The following STPG2 variants were observed in gnomAD, a reference collection of about 807,000 sequenced individuals.
STPG2 encodes the protein sperm tail PG-rich repeat containing 2.
A neutral mutation model predicts 54.2 loss-of-function variants in STPG2; 56 were observed. The observed-to-expected ratio is 1.03, with a 90% CI of 0.83 to 1.29. The LOEUF (loss-of-function observed/expected upper bound fraction) is 1.29. Among genes scored for constraint, STPG2 ranks in the 50% most tolerant of loss-of-function variants. The pLI, the probability that STPG2 is intolerant of heterozygous loss-of-function variation, is 0.00. For missense variants in STPG2, 596 were observed against 544.9 expected (o/e 1.09, Z -0.93); for synonymous variants, 200 against 181.8 (o/e 1.10, Z -0.81).
At chr4:97,914,453 T>C (rs1305107370) in intron 8 of STPG2, among the ~76,000 whole-genome samples, 1 of 152,152 alleles carries the variant, frequency 6.6e-6, no homozygotes, top group African/African-American at 2.4e-5. Flanking sequence ...ATAAAATGTA[T>C]CATTTTTATA....
chr4:98,100,347 A>C (rs181610417), intron 5 of STPG2, among the ~76,000 whole-genome samples: 36 of 152,298 alleles, frequency 2.4e-4, no homozygotes, highest in Admixed American at 1.8e-3. Context: ...ATATATCAAA[A>C]AATATTCCAT....
chr4:97,890,782 A>G (rs1045183934), intron 8 of STPG2, among the ~76,000 whole-genome samples: 2 of 152,016 alleles, frequency 1.3e-5, no homozygotes, highest in South Asian at 4.1e-4. Context: ...GTATCAAAAT[A>G]GCACATATGC....
chr4:97,521,307 G>T (rs1355158755), intron 4 of STPG2, among the ~76,000 whole-genome samples: 1 of 151,996 alleles, frequency 6.6e-6, no homozygotes, highest in Non-Finnish European at 1.5e-5. Flanking sequence ...AAGAATCAAG[G>T]AAACTTAAGA....
chr4:97,470,576 T>A (rs1288727200), intron 4 of STPG2, among the ~76,000 whole-genome samples: 1 of 152,160 alleles, frequency 6.6e-6, no homozygotes, highest in Non-Finnish European at 1.5e-5. Flanking sequence ...TTGTTGTTTT[T>A]ATACACATTC....
intron 4 of STPG2, among the ~76,000 whole-genome samples, chr4:97,509,568 T>C (rs568865066): frequency 3.9e-5 from 6 of 152,080 alleles, no homozygotes; most frequent in Non-Finnish European, 5.9e-5. Context: ...TGGTATACAA[T>C]ATACAAAAAT....
At chr4:97,996,142 T>C (rs906848639) in intron 5 of STPG2, among the ~76,000 whole-genome samples, 5 of 152,194 alleles carry the variant, frequency 3.3e-5, no homozygotes, top group Non-Finnish European at 7.3e-5. Flanking sequence ...AGAGTAATTC[T>C]AAGCAAAAAG....
chr4:97,568,480 A>ATG (rs941489202), intron 10 of STPG2, among the ~76,000 whole-genome samples: 11 of 152,074 alleles, frequency 7.2e-5, no homozygotes, highest in South Asian at 2.1e-4. Context: ...TGACATATAT[A>ATG]TGTGTGTGTG....
Position 97,858,644 on chromosome 4 carries a change from G to A in STPG2, c.1045-17712C>T, listed in dbSNP as rs1283405759. Among the ~76,000 whole-genome samples, 8 of 152,164 alleles carry A rather than the reference G, an allele frequency of 5.3e-5. No homozygotes were observed. In the South Asian group the frequency reaches 8.3e-4, roughly 16 times the overall value. ...TTAGCTTCCACTTATAAGTGAGAAC[G>A]TAGACATTTGGTTTCCATTCCTCAG... On this transcript the variant is annotated intron_variant, in intron 8 of 10. Coordinates refer to ENST00000295268, the MANE Select transcript of STPG2 (RefSeq NM_174952.3).
At chr4:97,584,935 C>G (rs1732953777) in intron 10 of STPG2, among the ~76,000 whole-genome samples, 1 of 151,578 alleles carries the variant, frequency 6.6e-6, no homozygotes, top group African/African-American at 2.4e-5. Context: ...TTCAGGCACT[C>G]AGAGAATAAT....
rs534387892 is a variant in STPG2, at chr4:97,528,316, G to A, written c.462+184383C>T. Among the ~76,000 whole-genome samples, 7 of 152,196 alleles carry A rather than the reference G, an allele frequency of 4.6e-5. No individual in the cohort carries two copies. The South Asian group carries it at 1.5e-3, about 32-fold the overall frequency. On this transcript the variant is annotated intron_variant, in intron 4 of 4. Coordinates refer to the STPG2 transcript ENST00000522676. ...TCAAAGATCAGTTGGTTGTAGATGT[G>A]TGGCACTATTTCTGAGGCCTCTGTT...
chr4:97,839,396 G>A (rs1026408774), intron 9 of STPG2, among the ~76,000 whole-genome samples: 6 of 151,344 alleles, frequency 4.0e-5, no homozygotes, highest in Non-Finnish European at 5.9e-5. Context: ...GCATTCCATC[G>A]GTAAGAATTT....
intron 4 of STPG2, among the ~76,000 whole-genome samples, chr4:97,520,031 C>T (rs1367441735): frequency 6.6e-6 from 1 of 151,932 alleles, no homozygotes; most frequent in Non-Finnish European, 1.5e-5. Context: ...CCTACTCTAT[C>T]AGGATGCTAG....
intron 8 of STPG2, among the ~76,000 whole-genome samples, chr4:97,914,001 T>C (rs1731776907): frequency 6.6e-6 from 1 of 152,144 alleles, no homozygotes; most frequent in Admixed American, 6.6e-5. Context: ...AAGCTGTACA[T>C]TCAGAATAAG....
chr4:97,891,526 GATAA>G (rs1730770185), intron 8 of STPG2, among the ~76,000 whole-genome samples: 1 of 151,936 alleles, frequency 6.6e-6, no homozygotes, highest in South Asian at 2.1e-4. Context: ...AAGAACAATT[GATAA>G]ATAAATAGTA....
At chr4:97,867,351 A>T (rs755940331) in intron 8 of STPG2, among the ~76,000 whole-genome samples, 5 of 151,858 alleles carry the variant, frequency 3.3e-5, no homozygotes, top group Non-Finnish European at 7.4e-5. Context: ...TCACATTTTC[A>T]TTTATATTGG....
chr4:97,454,020 C>A (rs1729446923), intron 4 of STPG2, among the ~76,000 whole-genome samples: 1 of 151,980 alleles, frequency 6.6e-6, no homozygotes, highest in African/African-American at 2.4e-5. Flanking sequence ...GCTCCTAGAT[C>A]TGAAGGAGAC....
chr4:98,001,586 A>C (rs1735417648), intron 5 of STPG2, among the ~76,000 whole-genome samples: 1 of 152,092 alleles, frequency 6.6e-6, no homozygotes, highest in South Asian at 2.1e-4. Flanking sequence ...ATAAATCTCA[A>C]ATGAAGCTAA....
At chr4:98,142,012 G>A (rs1388329998) in intron 1 of STPG2, among the ~76,000 whole-genome samples, 1 of 149,352 alleles carries the variant, frequency 6.7e-6, no homozygotes, top group African/African-American at 2.5e-5. Flanking sequence ...CAAGAATAAA[G>A]TGGTCAGTTA....
intron 3 of STPG2, among the ~76,000 whole-genome samples, chr4:98,113,777 A>G (rs1739426515): frequency 6.6e-6 from 1 of 152,090 alleles, no homozygotes; most frequent in Non-Finnish European, 1.5e-5. Context: ...AAAGCTATGA[A>G]TAAAAACTGA....
Sources: gnomAD v4.1 joint callset for allele counts (sites outside exome capture counted in the v4.1 genomes callset) on GRCh38, gnomAD v4.1.1 for gene constraint, MANE v1.5 for transcripts, NCBI Gene and HGNC (gene_info 2026-07-23, HGNC 2026-07-21) for gene names.